Variants in TFCP2L1 observed in about 807,000 individuals in gnomAD.
TFCP2L1 encodes transcription factor CP2-like protein 1.
Under a neutral mutation model 72.2 loss-of-function variants are expected in TFCP2L1, and 12 were observed. The ratio of observed to expected loss-of-function variants is 0.17; its 90% CI spans 0.11 to 0.27. The LOEUF is 0.27. Ranked by LOEUF, TFCP2L1 falls within the 10% of genes least tolerant of loss-of-function variation. The pLI is 1.00. For missense variants in TFCP2L1, 488 were observed against 624.6 expected (o/e 0.78, Z 2.33); for synonymous variants, 260 against 251.0 (o/e 1.04, Z -0.34).
chr2:121,231,841 C>A lies in TFCP2L1; in HGVS notation c.1326G>T (p.Val442=). 1.2e-6 allele frequency: 2 copies of A among 1,613,226 alleles called. No individual in the cohort carries two copies. Among genetic ancestry groups the A allele is most frequent in the South Asian group, 1.1e-5 (1 of 91,004 alleles). The change falls in exon 13 of 15, where the codon GTG becomes GTT. Residue 442 remains valine, a synonymous_variant. Coordinates refer to ENST00000263707, the MANE Select transcript of TFCP2L1 (RefSeq NM_014553.3). ...VYRQGPTGIH[V]VVSNEMVQNF... Reference sequence around the variant, plus strand: ...CAGCCCTCACCTCGTTGCTCACCACCACATGGATGCCCGTGGGGCCCTGCC... The same window carrying A: ...CAGCCCTCACCTCGTTGCTCACCACAACATGGATGCCCGTGGGGCCCTGCC...
At chr2:121,282,452 G>A (rs1345043622) in intron 1 of TFCP2L1, among the ~76,000 whole-genome samples, 1 of 151,120 alleles carries the variant, frequency 6.6e-6, no homozygotes, top group African/African-American at 2.4e-5. Flanking sequence ...AGGCTGAGGT[G>A]AGAAGACTGC....
intron 2 of TFCP2L1, among the ~76,000 whole-genome samples, 150 bp downstream of exon 2, chr2:121,280,967 AATG>A: frequency 6.6e-6 from 1 of 152,156 alleles, no homozygotes; most frequent in South Asian, 2.1e-4. Flanking sequence ...ACAGCTGGAA[AATG>A]GAATCTGAAC....
intron 1 of TFCP2L1, 85 bp downstream of exon 1, chr2:121,284,963 C>T (rs1687337662): frequency 8.1e-7 from 1 of 1,230,490 alleles, no homozygotes; most frequent in Non-Finnish European, 1.1e-6. Flanking sequence ...CCAGCAGGGG[C>T]GCCCCCTCTC....
rs1558724445 is a variant in TFCP2L1, at chr2:121,225,577, G to A, written c.1378C>T (p.Leu460Phe). Reference sequence around the variant, plus strand: ...GAGGCTTCACCTTTAATTGTGCTGAGGACAAAACAGGATTCATCTTGGAAG... The same window carrying A: ...GAGGCTTCACCTTTAATTGTGCTGAAGACAAAACAGGATTCATCTTGGAAG... ...QNFQDESCFV[L>F]STIKAESNDG... Residue 460 changes from leucine to phenylalanine, a missense_variant, in exon 14 of 15, where the codon CTC becomes TTC. Leu to Phe is a conservative substitution (Grantham distance 22, BLOSUM62 0). Around this residue, in one of 3 missense-constraint regions of TFCP2L1, gnomAD observed 286 missense variants for 329.0 expected, o/e 0.87. Coordinates refer to ENST00000263707, the MANE Select transcript of TFCP2L1 (RefSeq NM_014553.3). 2 of 1,614,084 alleles carry A rather than the reference G, an allele frequency of 1.2e-6. No individual in the cohort carries two copies. Among genetic ancestry groups the A allele is most frequent in the South Asian group, 1.1e-5 (1 of 91,082 alleles).
chr2:121,269,070 A>C (rs1330494159), intron 2 of TFCP2L1, among the ~76,000 whole-genome samples: 1 of 151,952 alleles, frequency 6.6e-6, no homozygotes, highest in Non-Finnish European at 1.5e-5. Flanking sequence ...TCTTAAAGTG[A>C]AGAAGGCATT....
intron 1 of TFCP2L1, among the ~76,000 whole-genome samples, chr2:121,283,058 T>C (rs1389526661): frequency 6.6e-6 from 1 of 152,178 alleles, no homozygotes; most frequent in Non-Finnish European, 1.5e-5. Flanking sequence ...ATTGCATAAT[T>C]TCATGTTTGC....
At chr2:121,240,616 G>A in intron 7 of TFCP2L1, 1 of 985,416 alleles carries the variant, frequency 1.0e-6, no homozygotes. Flanking sequence ...CAAGGGCTTG[G>A]ACAGACCTGG....
rs764851303 is a variant in TFCP2L1, at chr2:121,242,467, C to T, written c.660G>A (p.Pro220=). 5.6e-5 allele frequency: 90 copies of T among 1,614,042 alleles called. No individual in the cohort carries two copies. In the East Asian group the frequency reaches 1.2e-3, roughly 21 times the overall value. The change falls in exon 7 of 15, where the codon CCG becomes CCA. Residue 220 remains proline (P), a splice_region_variant and synonymous_variant. Transcript: ENST00000263707. The part of the protein sequence containing the change: ...SASCQIKVFK[P]KGADRKQKTD... The stretch of plus-strand genomic sequence containing the variant: ...TCTTCTGTTTCCGATCGGCTCCCTT[C>T]GGCTGCGAGCAGAGTACAGAGTCCA...
intron 13 of TFCP2L1, among the ~76,000 whole-genome samples, chr2:121,230,352 G>A (rs1164304541): frequency 6.6e-6 from 1 of 152,170 alleles, no homozygotes; most frequent in East Asian, 1.9e-4. Flanking sequence ...TGTATTTTTA[G>A]TAGAGACAGG....
intron 2 of TFCP2L1, among the ~76,000 whole-genome samples, chr2:121,261,331 G>A (rs951096348): frequency 1.3e-5 from 2 of 152,164 alleles, no homozygotes; most frequent in Non-Finnish European, 2.9e-5. Flanking sequence ...TTAGAGAAAG[G>A]ACTGTTTACA....
chr2:121,259,502 G>A (rs1475105478), intron 2 of TFCP2L1, among the ~76,000 whole-genome samples: 1 of 152,164 alleles, frequency 6.6e-6, no homozygotes, highest in Non-Finnish European at 1.5e-5. Flanking sequence ...AAAAACTGGT[G>A]AATCTGATGG....
At chr2:121,237,453 C>T (rs1463994606) in intron 10 of TFCP2L1, among the ~76,000 whole-genome samples, 170 bp downstream of exon 10, 1 of 152,200 alleles carries the variant, frequency 6.6e-6, no homozygotes, top group African/African-American at 2.4e-5. Context: ...CACCTATGTC[C>T]AGCACTTGGC....
chr2:121,256,147 C>T (rs1686715810), intron 2 of TFCP2L1, among the ~76,000 whole-genome samples: 1 of 152,216 alleles, frequency 6.6e-6, no homozygotes, highest in Admixed American at 6.5e-5. Context: ...GCCCTCAGCT[C>T]TCTGAACCAA....
chr2:121,267,937 G>A lies in TFCP2L1; in HGVS notation c.214+13183C>T, dbSNP rs1046798635. On this transcript the variant is annotated intron_variant, in intron 2 of 14. Coordinates refer to ENST00000263707, the MANE Select transcript of TFCP2L1 (RefSeq NM_014553.3). ...GGCGCACATCTGTAATCCCAGCACT[G>A]TGGAAGGCCAAAGCAGGAGTTCAAC... is the stretch of plus-strand genomic sequence containing the variant. 7.2e-5 allele frequency among the ~76,000 whole-genome samples: 11 copies of A among 152,178 alleles called. No individual in the cohort carries two copies. The East Asian group carries it at 7.7e-4, about 11-fold the overall frequency.
At chr2:121,242,927 G>A (rs899892074) in intron 6 of TFCP2L1, among the ~76,000 whole-genome samples, 3 of 152,250 alleles carry the variant, frequency 2.0e-5, no homozygotes, top group Non-Finnish European at 4.4e-5. Flanking sequence ...GCAGGGGAAC[G>A]TCTCCATCCA....
chr2:121,274,986 A>G (rs1266094684), intron 2 of TFCP2L1, among the ~76,000 whole-genome samples: 1 of 152,112 alleles, frequency 6.6e-6, no homozygotes, highest in African/African-American at 2.4e-5. Flanking sequence ...GCCCTATAGA[A>G]CTTCCATTCT....
Position 121,221,081 on chromosome 2 carries a change from A to G in TFCP2L1, c.*3260T>C, listed in dbSNP as rs544347492. On this transcript the variant is annotated 3_prime_UTR_variant, in exon 15 of 15. Transcript: ENST00000263707. ...CTTGGTAGTGACATCACTTGGGTAC[A>G]GTGATGACAGACAGCCTAAGGGGCT... 1 of 152,370 alleles carries G rather than the reference A, an allele frequency of 6.6e-6. No homozygotes were observed. The highest frequency in any genetic ancestry group is 1.9e-4 in the East Asian group (1 of 5,188). 9.4% of individuals were successfully genotyped at this position (152,370 alleles called of 1,614,324 possible).
At chr2:121,229,767 CTG>C (rs934512183) in intron 13 of TFCP2L1, among the ~76,000 whole-genome samples, 4 of 152,236 alleles carry the variant, frequency 2.6e-5, no homozygotes, top group Admixed American at 6.5e-5. Flanking sequence ...GATGTGGAAA[CTG>C]TGGCACAGAG....
At chr2:121,273,124 G>A (rs990927254) in intron 2 of TFCP2L1, among the ~76,000 whole-genome samples, 1 of 152,164 alleles carries the variant, frequency 6.6e-6, no homozygotes, top group Non-Finnish European at 1.5e-5. Context: ...ATGAATGAAT[G>A]AAAGTAAGCA....
Sources: allele counts gnomAD v4.1 joint callset (sites outside exome capture counted in the v4.1 genomes callset), GRCh38; gene constraint gnomAD v4.1.1; regional missense constraint gnomAD v4.1.1; transcripts MANE v1.5; gene names NCBI Gene and HGNC (gene_info 2026-07-23, HGNC 2026-07-21).